DIAPH3: variants seen among roughly 807,000 people sequenced by gnomAD.
DIAPH3 encodes the protein diaphanous related formin 3.
Under a neutral mutation model 144.3 loss-of-function variants are expected in DIAPH3, and 117 were observed. The observed-to-expected ratio is 0.81, with a 90% CI of 0.70 to 0.95. The LOEUF is 0.95. Ranked by LOEUF, DIAPH3 falls within the 40% of genes least tolerant of loss-of-function variation. DIAPH3 has a pLI of 0.00. For missense variants in DIAPH3, 1,421 were observed against 1,412.7 expected, an observed-to-expected ratio of 1.01 and a Z score of -0.09; for synonymous variants, 519 against 488.9, an observed-to-expected ratio of 1.06 and a Z score of -0.81.
intron 24 of DIAPH3, among the ~76,000 whole-genome samples, chr13:59,819,971 A>G (rs2040976742): frequency 6.6e-6 from 1 of 151,858 alleles, no homozygotes; most frequent in Non-Finnish European, 1.5e-5. Context: ...GAAATAATGC[A>G]TGTAAATAGC....
chr13:59,765,499 A>G (rs993001896), intron 27 of DIAPH3, among the ~76,000 whole-genome samples: 4 of 152,240 alleles, frequency 2.6e-5, no homozygotes, highest in Admixed American at 2.0e-4. Flanking sequence ...TGAGGAAAAG[A>G]AAACTTAAAG....
intron 27 of DIAPH3, among the ~76,000 whole-genome samples, chr13:59,743,801 T>G (rs2139066663): frequency 6.6e-6 from 1 of 152,234 alleles, no homozygotes; most frequent in South Asian, 2.1e-4. Context: ...TACATTTAAA[T>G]GCAGCTGGAA....
At chr13:59,840,077 G>A (rs2042255316) in intron 22 of DIAPH3, among the ~76,000 whole-genome samples, 1 of 152,094 alleles carries the variant, frequency 6.6e-6, no homozygotes, top group Non-Finnish European at 1.5e-5. Context: ...GTGTCACTAT[G>A]AGAATATACT....
At chr13:60,076,313 C>T (rs2057378424) in intron 4 of DIAPH3, among the ~76,000 whole-genome samples, 1 of 152,128 alleles carries the variant, frequency 6.6e-6, no homozygotes, top group Admixed American at 6.5e-5. Flanking sequence ...AGCATTCCGA[C>T]ACCTCTCTCT....
chr13:60,149,554 A>G (rs1190304052), intron 1 of DIAPH3, among the ~76,000 whole-genome samples: 1 of 152,062 alleles, frequency 6.6e-6, no homozygotes, highest in Non-Finnish European at 1.5e-5. Flanking sequence ...AGTTCAAGAC[A>G]AGCCAGGGCA....
rs550317163 is a variant in DIAPH3 at position 59,919,899 on chromosome 13, AAAAATTC to A, written c.2171-3657_2171-3651del. Among the ~76,000 whole-genome samples, 23 of 152,182 alleles carry A rather than the reference AAAAATTC, an allele frequency of 1.5e-4. No individual in the cohort carries two copies. The East Asian group carries it at 3.9e-3, about 25-fold the overall frequency. On this transcript the variant is annotated intron_variant, in intron 18 of 27. Transcript: ENST00000400324. The stretch of plus-strand genomic sequence containing the variant: ...ATGGAAAGATGTGAGTTGTGACATC[AAAAATTC>A]AAAATTCAAGGAAAGAGTAAAATTA...
At chr13:59,714,691 G>A (rs1001670170) in intron 27 of DIAPH3, among the ~76,000 whole-genome samples, 20 of 151,934 alleles carry the variant, frequency 1.3e-4, no homozygotes, top group Non-Finnish European at 2.5e-4. Flanking sequence ...GTCTATATCA[G>A]TTAGGATGTT....
At chr13:59,940,166 G>A (rs971261653) in intron 17 of DIAPH3, among the ~76,000 whole-genome samples, 5 of 152,222 alleles carry the variant, frequency 3.3e-5, no homozygotes, top group South Asian at 2.1e-4. Flanking sequence ...GAAATGGGGA[G>A]CGAGGTAACC....
intron 24 of DIAPH3, among the ~76,000 whole-genome samples, chr13:59,818,712 G>A (rs906613811): frequency 1.3e-5 from 2 of 151,928 alleles, no homozygotes; most frequent in Middle Eastern, 3.4e-3. Flanking sequence ...TTCTTAAGAA[G>A]TATTTTACAC....
At chr13:59,955,077 C>T (rs990055088) in intron 17 of DIAPH3, among the ~76,000 whole-genome samples, 1 of 63,132 alleles carries the variant, frequency 1.6e-5, no homozygotes, top group Non-Finnish European at 3.1e-5. Flanking sequence ...TATATATATA[C>T]ATGTATATAT....
At chr13:59,721,929 G>C (rs145161421) in intron 27 of DIAPH3, among the ~76,000 whole-genome samples, 73 of 152,282 alleles carry the variant, frequency 4.8e-4, no homozygotes, top group African/African-American at 1.7e-3. Flanking sequence ...CCAAAATAAT[G>C]GTCAGAGTGG....
chr13:59,704,445 T>A (rs544690358), intron 27 of DIAPH3, among the ~76,000 whole-genome samples: 2 of 152,370 alleles, frequency 1.3e-5, no homozygotes, highest in Admixed American at 1.3e-4. Context: ...GGCAGGAATG[T>A]TGATCTGCCA....
intron 12 of DIAPH3, among the ~76,000 whole-genome samples, chr13:59,988,454 TAGTA>T (rs1195645396): frequency 6.6e-6 from 1 of 151,924 alleles, no homozygotes; most frequent in African/African-American, 2.4e-5. Flanking sequence ...ATCATAATTT[TAGTA>T]AGTTTTTCCT....
chr13:60,146,337 G>C (rs1951521561), intron 1 of DIAPH3, among the ~76,000 whole-genome samples: 2 of 152,132 alleles, frequency 1.3e-5, no homozygotes, highest in African/African-American at 4.8e-5. Context: ...ATAAGTTCTA[G>C]AGGAAAAAGA....
intron 17 of DIAPH3, among the ~76,000 whole-genome samples, chr13:59,935,124 T>C (rs1019849975): frequency 5.3e-5 from 8 of 152,218 alleles, no homozygotes; most frequent in African/African-American, 1.9e-4. Context: ...AGACTCCCAT[T>C]TGCAACCAAA....
At chr13:59,762,052 CTTTTTT>C (rs35387511) in intron 27 of DIAPH3, among the ~76,000 whole-genome samples, 17 of 59,516 alleles carry the variant, frequency 2.9e-4, no homozygotes, top group South Asian at 9.6e-4. Context: ...GCGTCAGCAT[CTTTTTT>C]TTTTTTTTTT....
At chr13:59,889,789 T>G (rs1593848781) in intron 20 of DIAPH3, among the ~76,000 whole-genome samples, 1 of 152,270 alleles carries the variant, frequency 6.6e-6, no homozygotes, top group Non-Finnish European at 1.5e-5. Flanking sequence ...TCTTAAGTTG[T>G]ATAGTTCACT....
At chr13:59,759,236 T>C (rs1161175765) in intron 27 of DIAPH3, among the ~76,000 whole-genome samples, 1 of 152,194 alleles carries the variant, frequency 6.6e-6, no homozygotes, top group African/African-American at 2.4e-5. Flanking sequence ...TAGAAGAGCA[T>C]GTGATGAACC....
At chr13:60,153,063 A>G (rs545718540) in intron 1 of DIAPH3, among the ~76,000 whole-genome samples, 22 of 152,188 alleles carry the variant, frequency 1.4e-4, no homozygotes, top group Non-Finnish European at 2.8e-4. Context: ...CTCTATAACC[A>G]TGTTCTCTCA....
Sources: allele counts gnomAD v4.1 joint callset (sites outside exome capture counted in the v4.1 genomes callset), GRCh38; gene constraint gnomAD v4.1.1; transcripts MANE v1.5; gene names NCBI Gene and HGNC (gene_info 2026-07-23, HGNC 2026-07-21).